MIA2: variants seen among roughly 807,000 people sequenced by gnomAD.
MIA2 encodes the protein melanoma inhibitory activity protein 2.
MIA2 carries 127 observed loss-of-function variants against 167.8 expected under a neutral mutation model. The observed-to-expected ratio is 0.76, with a 90% confidence interval of 0.66 to 0.88. The LOEUF is 0.88. Ranked by LOEUF, MIA2 falls within the 40% of genes least tolerant of loss-of-function variation. MIA2 has a pLI of 0.00. For missense variants in MIA2, 1,690 were observed against 1,624.7 expected (o/e 1.04, Z -0.69); for synonymous variants, 552 against 541.9 (o/e 1.02, Z -0.26).
intron 6 of MIA2, among the ~76,000 whole-genome samples, chr14:39,262,386 G>A (rs963876543): frequency 3.3e-5 from 5 of 152,076 alleles, no homozygotes; most frequent in African/African-American, 1.2e-4. Context: ...TCTCTGTTTT[G>A]GTACCAGTAC....
At chr14:39,372,559 T>C (rs189676055) in intron 23 of MIA2, among the ~76,000 whole-genome samples, 23 of 152,340 alleles carry the variant, frequency 1.5e-4, no homozygotes, top group African/African-American at 5.3e-4. Flanking sequence ...GCAGATTGCA[T>C]GAACTTCGTA....
chr14:39,360,144 A>T (rs2074647899), intron 23 of MIA2, among the ~76,000 whole-genome samples: 1 of 152,158 alleles, frequency 6.6e-6, no homozygotes, highest in African/African-American at 2.4e-5. Context: ...TCTACTAAAA[A>T]TACAAAAATT....
At position 39,288,459 on chromosome 14, in the gene MIA2, A is replaced by ATTTT. The variant is rs1566747774; in HGVS notation, c.2131-2559_2131-2558insTTTT. ...TATATATATATATATATATATATATATATATATATATATATATTTTTTTTT... is the reference window on the plus strand; with the variant it reads ...TATATATATATATATATATATATATATTTTTATATATATATATATATTTTTTTTT... On this transcript the variant is annotated intron_variant, in intron 9 of 28. Coordinates refer to ENST00000640607, the MANE Select transcript of MIA2 (RefSeq NM_001329214.4). Among the ~76,000 whole-genome samples the ATTTT allele has an allele frequency of 2.9e-4, 5 of 17,286 alleles. 1 individual carries two copies. Among genetic ancestry groups the ATTTT allele is most frequent in the African/African-American group, 5.6e-4 (4 of 7,142 alleles). The allele number at this position is 17,286 out of a possible 152,430, so 11.3% of individuals were successfully genotyped here. A position where few individuals can be genotyped will look rare whatever the true frequency, so the allele number is the denominator to read the frequency against.
rs1265911939 is a variant in MIA2, at chr14:39,286,446, G to GGGGAGA, written c.2131-4560_2131-4555dup. ...AGAGGGAGACTGTGGAGAGGGGAGA[G>GGGGAGA]GGGAGAGGGAGAGGGAGATTGTTTT... On this transcript the variant is annotated intron_variant, in intron 9 of 28. Coordinates refer to ENST00000640607, the MANE Select transcript of MIA2 (RefSeq NM_001329214.4). Among the ~76,000 whole-genome samples, 4 of 152,238 alleles carry GGGGAGA rather than the reference G, an allele frequency of 2.6e-5. No individual in the cohort carries two copies. In the South Asian group the frequency reaches 8.3e-4, roughly 32 times the overall value.
intron 24 of MIA2, among the ~76,000 whole-genome samples, chr14:39,324,973 A>G (rs1403993501): frequency 6.6e-6 from 1 of 152,172 alleles, no homozygotes; most frequent in Non-Finnish European, 1.5e-5. Context: ...CTATAATCCT[A>G]GTACTTTGGG....
intron 14 of MIA2, 120 bp downstream of exon 14, chr14:39,300,106 C>T: frequency 7.8e-7 from 1 of 1,289,380 alleles, no homozygotes. Context: ...ACATATTTGG[C>T]CAGATTTTCA....
chr14:39,279,045 C>T (rs1463206792), intron 7 of MIA2, among the ~76,000 whole-genome samples: 1 of 150,914 alleles, frequency 6.6e-6, no homozygotes, highest in Non-Finnish European at 1.5e-5. Flanking sequence ...CCTGTAATCC[C>T]AGCTACTCAG....
At chr14:39,354,123 C>G (rs1471450885), downstream of MIA2, among the ~76,000 whole-genome samples, 2 of 152,174 alleles carry the variant, frequency 1.3e-5, no homozygotes, top group East Asian at 3.8e-4. Flanking sequence ...AGTTCTAGAT[C>G]CCTGAGGAAT....
chr14:39,290,456 C>T (rs2060580687), intron 9 of MIA2, among the ~76,000 whole-genome samples: 1 of 152,038 alleles, frequency 6.6e-6, no homozygotes, highest in Non-Finnish European at 1.5e-5. Flanking sequence ...AATCTTATAG[C>T]ATTATATGTT....
chr14:39,368,803 C>T (rs796857261), intron 23 of MIA2, among the ~76,000 whole-genome samples: 16 of 149,676 alleles, frequency 1.1e-4, no homozygotes, highest in South Asian at 6.3e-4. Flanking sequence ...TTTCAGTAAA[C>T]GTACGTTTAA....
intron 23 of MIA2, among the ~76,000 whole-genome samples, chr14:39,358,575 C>G (rs962090771): frequency 1.3e-5 from 2 of 152,162 alleles, no homozygotes; most frequent in Admixed American, 6.5e-5. Context: ...CTCTGTCCAG[C>G]TTTGTTCTGT....
At position 39,314,725 on chromosome 14, in the gene MIA2, T is replaced by C. The variant is rs201084202; in HGVS notation, c.3120-14T>C. On this transcript the variant is annotated splice_polypyrimidine_tract_variant and intron_variant, in intron 19 of 28. Transcript: ENST00000640607. ...TTATATGTTAATAGTAGAATAATTA[T>C]TCGTTCCATTTAGAAAGCGAGCCAA... 342 of 1,600,012 alleles carry C rather than the reference T, an allele frequency of 2.1e-4. 3 individuals carry two copies. Among genetic ancestry groups the C allele is most frequent in the South Asian group, 1.6e-3 (144 of 90,040 alleles).
At chr14:39,286,891 G>GTA (rs1484219847) in intron 9 of MIA2, among the ~76,000 whole-genome samples, 4 of 113,982 alleles carry the variant, frequency 3.5e-5, no homozygotes, top group Admixed American at 9.1e-5. Flanking sequence ...GTGTGTGTGT[G>GTA]TGTGTGTATT....
chr14:39,267,567 G>C, intron 6 of MIA2: 1 of 1,604,866 alleles, frequency 6.2e-7, no homozygotes, highest in Non-Finnish European at 8.5e-7. Flanking sequence ...GGGGTCGCGG[G>C]AGCCGCCGGG....
At position 39,247,684 on chromosome 14, in the gene MIA2, C is replaced by T. The variant is rs767647463; in HGVS notation, c.1110C>T (p.Ser370=). 2.9e-5 allele frequency: 46 copies of T among 1,611,790 alleles called. No individual in the cohort carries two copies. Among genetic ancestry groups the T allele is most frequent in the Non-Finnish European group, 3.6e-5 (43 of 1,179,438 alleles). ...TEKKDTITND[S]LSLKPSWFDF... is the part of the protein sequence containing the mutation. ...AAAAAGACACAATCACTAATGATAG[C>T]TTGAGTCTCAAGCCAAGTTGGTTTG... Residue 370 remains serine (S), a synonymous_variant, in exon 4 of 29, where the codon AGC becomes AGT. Transcript: ENST00000640607.
chr14:39,270,223 A>G (rs2056884736), intron 6 of MIA2, among the ~76,000 whole-genome samples: 2 of 120,142 alleles, frequency 1.7e-5, no homozygotes, highest in South Asian at 2.6e-4. Flanking sequence ...TTTTTTTGAG[A>G]CTGAGTCTTG....
At position 39,246,949 on chromosome 14, in the gene MIA2, A is replaced by G; in HGVS notation, c.375A>G (p.Thr125=). Reference sequence around the variant, plus strand: ...TTTGTCTTCTTGGAGTAAGTTACACATTTGACAATGAAGATAGTGAATTAA... The same window carrying G: ...TTTGTCTTCTTGGAGTAAGTTACACGTTTGACAATGAAGATAGTGAATTAA... ...DFLCLLGVSY[T]FDNEDSELNG... is the part of the protein sequence containing the mutation. Residue 125 remains threonine, a synonymous_variant, in exon 4 of 29, where the codon ACA becomes ACG. Transcript: ENST00000640607. 6 of 1,528,422 alleles carry G rather than the reference A, an allele frequency of 3.9e-6. No individual in the cohort carries two copies. The highest frequency in any genetic ancestry group is 1.3e-5 in the South Asian group (1 of 74,362). 94.7% of individuals were successfully genotyped at this position (1,528,422 alleles called of 1,614,324 possible). A position where few individuals can be genotyped will look rare whatever the true frequency, so the allele number is the denominator to read the frequency against.
At chr14:39,312,083 C>G (rs1478409603) in intron 18 of MIA2, among the ~76,000 whole-genome samples, 1 of 152,080 alleles carries the variant, frequency 6.6e-6, no homozygotes, top group East Asian at 1.9e-4. Flanking sequence ...CCACCTCTGC[C>G]TCCCAAAGTG....
rs139297693 is a variant in MIA2, at chr14:39,280,993, G to T, written c.2130+1456G>T. On this transcript the variant is annotated intron_variant, in intron 9 of 28. Coordinates refer to ENST00000640607, the MANE Select transcript of MIA2 (RefSeq NM_001329214.4). Reference sequence around the variant, plus strand: ...GCTGCAGTACAGTGGTGTGATCTTGGCTCACTTCAATCTCCACTTCCTGGA... The same window carrying T: ...GCTGCAGTACAGTGGTGTGATCTTGTCTCACTTCAATCTCCACTTCCTGGA... Among the ~76,000 whole-genome samples, 1,168 of 131,890 alleles carry T rather than the reference G, an allele frequency of 8.9e-3. 4 individuals carry two copies. Among genetic ancestry groups the T allele is most frequent in the Middle Eastern group, 0.019 (4 of 206 alleles). The allele number at this position is 131,890 out of a possible 152,430, so 86.5% of individuals were successfully genotyped here. A position where few individuals can be genotyped will look rare whatever the true frequency, so the allele number is the denominator to read the frequency against.
Sources: allele counts gnomAD v4.1 joint callset (sites outside exome capture counted in the v4.1 genomes callset), GRCh38; gene constraint gnomAD v4.1.1; transcripts MANE v1.5; gene names NCBI Gene and HGNC (gene_info 2026-07-23, HGNC 2026-07-21).